ANKRD45: variants seen among roughly 807,000 people sequenced by gnomAD.
The protein encoded by ANKRD45 is ankyrin repeat domain 45, also known as ankyrin repeat domain-containing protein 45.
Under a neutral mutation model 28.1 loss-of-function variants are expected in ANKRD45, and 21 were observed. The ratio of observed to expected loss-of-function variants is 0.75; its 90% CI spans 0.53 to 1.08. The LOEUF (loss-of-function observed/expected upper bound fraction) is 1.08. Among genes scored for constraint, ANKRD45 ranks in the 50% least tolerant of loss-of-function variants. ANKRD45 has a pLI of 0.00. For missense variants in ANKRD45, 261 were observed against 308.7 expected, an observed-to-expected ratio of 0.85 and a Z score of 1.16; for synonymous variants, 86 against 103.9, an observed-to-expected ratio of 0.83 and a Z score of 1.05.
chr1:173,686,166 C>A, the ANKRD45 span, among the ~76,000 whole-genome samples: 1 of 152,106 alleles, frequency 6.6e-6, no homozygotes, highest in Non-Finnish European at 1.5e-5. Flanking sequence ...AGTAGGGAGC[C>A]ATCTTTGACT....
At chr1:173,622,321 G>A (rs1425928159) in intron 5 of ANKRD45, among the ~76,000 whole-genome samples, 2 of 151,998 alleles carry the variant, frequency 1.3e-5, no homozygotes, top group Admixed American at 6.6e-5. Flanking sequence ...AAATTCATAT[G>A]GAATAAAAAA....
At chr1:173,613,810 G>A (rs148805618) in intron 5 of ANKRD45, among the ~76,000 whole-genome samples, 9,070 of 152,278 alleles carry the variant, frequency 0.06, 881 homozygotes, top group African/African-American at 0.2. Context: ...TGACGATGGC[G>A]GTTTTGTGGA....
chr1:173,635,736 T>C, intron 3 of ANKRD45: 1 of 1,535,536 alleles, frequency 6.5e-7, no homozygotes, highest in Non-Finnish European at 8.7e-7. Context: ...ATGGATATAT[T>C]TCAGGGTTGT....
chr1:173,695,722 A>G, the ANKRD45 span, among the ~76,000 whole-genome samples: 1 of 152,114 alleles, frequency 6.6e-6, no homozygotes, highest in South Asian at 2.1e-4. Context: ...TATACCCAGT[A>G]GTAGGATTGC....
At chr1:173,701,370 G>A in the ANKRD45 span, among the ~76,000 whole-genome samples, 14 of 152,266 alleles carry the variant, frequency 9.2e-5, no homozygotes, top group Admixed American at 6.5e-4. Flanking sequence ...ACATGTATAC[G>A]TATGTTTACT....
At chr1:173,614,265 T>TA (rs1041210366) in intron 5 of ANKRD45, among the ~76,000 whole-genome samples, 88 of 131,754 alleles carry the variant, frequency 6.7e-4, no homozygotes, top group Non-Finnish European at 6.9e-4. Flanking sequence ...GAATGATCAA[T>TA]AAAAAAAAAA....
At chr1:173,644,480 T>C (rs2102356026) in intron 3 of ANKRD45, among the ~76,000 whole-genome samples, 1 of 152,320 alleles carries the variant, frequency 6.6e-6, no homozygotes, top group East Asian at 1.9e-4. Context: ...CTAGTTTGCT[T>C]TTTATAGTTT....
intron 2 of ANKRD45, among the ~76,000 whole-genome samples, chr1:173,654,280 A>C (rs1669389682): frequency 6.6e-6 from 1 of 152,120 alleles, no homozygotes; most frequent in African/African-American, 2.4e-5. Context: ...GAGCTCTTGT[A>C]AGGCAGGCCT....
intron 1 of ANKRD45, among the ~76,000 whole-genome samples, chr1:173,659,653 G>A (rs928149212): frequency 3.3e-5 from 5 of 152,124 alleles, no homozygotes; most frequent in African/African-American, 1.2e-4. Flanking sequence ...ATACTAAAAT[G>A]TTAAATGTGT....
chr1:173,629,069 C>T (rs1048132676), intron 3 of ANKRD45, among the ~76,000 whole-genome samples: 3 of 152,258 alleles, frequency 2.0e-5, no homozygotes, highest in East Asian at 1.9e-4. Flanking sequence ...AGAGCCACAG[C>T]GTTACTGAGC....
At chr1:173,616,232 C>G (rs1346894549) in intron 5 of ANKRD45, among the ~76,000 whole-genome samples, 2 of 152,010 alleles carry the variant, frequency 1.3e-5, no homozygotes, top group South Asian at 2.1e-4. Flanking sequence ...TGAGAGAGGC[C>G]ACCACGAAAG....
chr1:173,699,131 G>C, the ANKRD45 span, among the ~76,000 whole-genome samples: 2 of 152,216 alleles, frequency 1.3e-5, no homozygotes, highest in Admixed American at 6.5e-5. Flanking sequence ...GGAGGAAGTT[G>C]AATCACTGAA....
intron 5 of ANKRD45, 42 bp downstream of exon 5, chr1:173,624,745 C>T: frequency 6.4e-7 from 1 of 1,572,536 alleles, no homozygotes; most frequent in Non-Finnish European, 8.7e-7. Context: ...ACTTAATTTT[C>T]ATCCCTTCTG....
chr1:173,680,980 C>T, the ANKRD45 span, among the ~76,000 whole-genome samples: 6 of 23,100 alleles, frequency 2.6e-4, no homozygotes, highest in African/African-American at 5.0e-4. Flanking sequence ...GGGGGGGAGG[C>T]GGGGTGGGGG....
At chr1:173,624,951 T>C (rs1389214031) in intron 4 of ANKRD45, 26 bp from the exon 5 acceptor site, 1 of 1,591,244 alleles carries the variant, frequency 6.3e-7, no homozygotes, top group East Asian at 2.2e-5. Context: ...CAGAGTTTGC[T>C]CTCCACTTAT....
chr1:173,694,565 TTATTATTA>T, the ANKRD45 span, among the ~76,000 whole-genome samples: 1 of 148,294 alleles, frequency 6.7e-6, no homozygotes, highest in East Asian at 1.9e-4. Flanking sequence ...ATTATTATTA[TTATTATTA>T]TTTCAATAGC....
chr1:173,699,594 C>T, the ANKRD45 span, among the ~76,000 whole-genome samples: 2 of 152,248 alleles, frequency 1.3e-5, no homozygotes. Flanking sequence ...TCAATAGATG[C>T]AGAAAAGGCC....
At chr1:173,688,097 G>T in the ANKRD45 span, among the ~76,000 whole-genome samples, 21 of 152,010 alleles carry the variant, frequency 1.4e-4, no homozygotes, top group South Asian at 1.5e-3. Context: ...TTGGGTTAAG[G>T]ATTTTTGATA....
chr1:173,713,783 C>T, the ANKRD45 span, among the ~76,000 whole-genome samples: 2 of 152,050 alleles, frequency 1.3e-5, no homozygotes, highest in Admixed American at 6.5e-5. Flanking sequence ...CACCCCTACC[C>T]CTTTCCCCAG....
Sources: gnomAD v4.1 joint callset for allele counts (sites outside exome capture counted in the v4.1 genomes callset) on GRCh38, gnomAD v4.1.1 for gene constraint, MANE v1.5 for transcripts, NCBI Gene and HGNC (gene_info 2026-07-23, HGNC 2026-07-21) for gene names.